Variants in TINAG observed in about 807,000 individuals in gnomAD.
The protein encoded by TINAG is tubulointerstitial nephritis antigen.
A neutral mutation model predicts 72.7 loss-of-function variants in TINAG; 83 were observed. The ratio of observed to expected loss-of-function variants is 1.14; its 90% CI spans 0.96 to 1.37. TINAG has a LOEUF of 1.37. Ranked by LOEUF, TINAG falls within the 40% of genes most tolerant of loss-of-function variation. The probability of loss-of-function intolerance (pLI) is 0.00; values close to 1 mark genes in which losing one functional copy is unlikely to be tolerated. For missense variants in TINAG, 685 were observed against 576.6 expected (o/e 1.19, Z -1.93); for synonymous variants, 234 against 189.9 (o/e 1.23, Z -1.91).
In TINAG at chr6:54,347,367, G is replaced by C; in HGVS notation, c.749G>C (p.Ser250Thr). 6.2e-7 allele frequency: 1 copy of C among 1,612,178 alleles called. No individual in the cohort carries two copies. The highest frequency in any genetic ancestry group is 2.2e-5 in the East Asian group (1 of 44,750). The change falls in exon 6 of 11, where the codon AGT (serine) becomes ACT (threonine). Residue 250 changes from serine to threonine, a missense_variant and splice_region_variant. Physicochemically the swap from Ser to Thr is moderately conservative, Grantham distance 58. Coordinates refer to ENST00000259782, the MANE Select transcript of TINAG (RefSeq NM_014464.4). ...CAASWAFSTA[S>T]VAADRIAIQS... ...TTAATTGATATTCTATTTGAAACAG[G>C]TGTGGCTGCTGACCGAATAGCAATT...
chr6:54,346,825 G>T (rs891237858), intron 5 of TINAG, among the ~76,000 whole-genome samples: 1 of 151,898 alleles, frequency 6.6e-6, no homozygotes, highest in African/African-American at 2.4e-5. Context: ...ATGGTCTCCT[G>T]GGTAGTTAAA....
chr6:54,320,431 A>G (rs953576640), intron 1 of TINAG, 148 bp from the exon 2 acceptor site: 2 of 558,968 alleles, frequency 3.6e-6, no homozygotes, highest in Admixed American at 3.3e-5. Flanking sequence ...ACCTTGACAC[A>G]AACCTGACAT....
intron 10 of TINAG, among the ~76,000 whole-genome samples, chr6:54,387,623 T>C (rs1265922741): frequency 1.3e-5 from 2 of 152,116 alleles, no homozygotes; most frequent in Non-Finnish European, 1.5e-5. Flanking sequence ...TAAGTGGAGA[T>C]TACATGAACA....
chr6:54,308,854 T>G lies in TINAG; in HGVS notation c.304T>G (p.Cys102Gly), dbSNP rs761108452. ...TTGCTGTCCTGACTACAAGTCCTTT[T>G]GCCGTGAAGAGAAAGAATGGCCTCC... ...SDCCPDYKSF[C>G]REEKEWPPHT... Residue 102 changes from cysteine (C) to glycine (G), a missense_variant, in exon 1 of 11, where the codon TGC becomes GGC. Coordinates refer to ENST00000259782, the MANE Select transcript of TINAG (RefSeq NM_014464.4). The G allele has an allele frequency of 6.2e-7, 1 of 1,613,644 alleles. No homozygotes were observed. Among genetic ancestry groups the G allele is most frequent in the East Asian group, 2.2e-5 (1 of 44,874 alleles).
intron 3 of TINAG, 78 bp downstream of exon 3, chr6:54,321,464 T>C (rs2150936110): frequency 1.0e-6 from 1 of 966,372 alleles, no homozygotes; most frequent in Admixed American, 2.1e-5. Context: ...TTGGTTTCTA[T>C]AAATGGTCAT....
chr6:54,327,170 G>C, intron 4 of TINAG: 1 of 1,546,768 alleles, frequency 6.5e-7, no homozygotes, highest in East Asian at 2.5e-5. Flanking sequence ...CAAGATGGCC[G>C]ATCAAGAACA....
At chr6:54,342,132 T>C (rs75041552) in intron 4 of TINAG, among the ~76,000 whole-genome samples, 2,070 of 152,224 alleles carry the variant, frequency 0.014, 53 homozygotes, top group African/African-American at 0.047. Flanking sequence ...AATCGTTATT[T>C]GGTTTAAGCC....
At chr6:54,368,448 A>G (rs1441982820) in intron 9 of TINAG, among the ~76,000 whole-genome samples, 1 of 150,212 alleles carries the variant, frequency 6.7e-6, no homozygotes, top group Non-Finnish European at 1.5e-5. Context: ...TGGGCATATG[A>G]TGTGTGGTGA....
Position 54,354,521 on chromosome 6 carries a change from CA to C in TINAG, c.1137del (p.Val380SerfsTer42), listed in dbSNP as rs1310336727. The C allele has an allele frequency of 1.2e-6, 2 of 1,603,170 alleles. No individual in the cohort carries two copies. The highest frequency in any genetic ancestry group is 1.7e-6 in the Non-Finnish European group (2 of 1,175,342). On this transcript the variant is annotated frameshift_variant, in exon 9 of 11. Coordinates refer to ENST00000259782, the MANE Select transcript of TINAG (RefSeq NM_014464.4). LOFTEE classifies it high-confidence loss of function. ...MQNGPVQAIM[Q>X]VREDFFHYKT... ...GTTGGATTTTATTTTAGCCATAATGCAAGTCCGTGAAGATTTCTTCCATTAT... is the reference window on the plus strand; with the variant it reads ...GTTGGATTTTATTTTAGCCATAATGCAGTCCGTGAAGATTTCTTCCATTAT...
At chr6:54,320,522 T>C in intron 1 of TINAG, 57 bp from the exon 2 acceptor site, 4 of 1,358,596 alleles carry the variant, frequency 2.9e-6, no homozygotes, top group East Asian at 2.3e-5. Flanking sequence ...CATTTTATGT[T>C]AATGCACTTT....
chr6:54,320,720 C>T (rs75395483), intron 2 of TINAG, 78 bp downstream of exon 2: 4 of 1,167,058 alleles, frequency 3.4e-6, no homozygotes, highest in Admixed American at 2.0e-5. Context: ...TATTTGTGAA[C>T]CAAAGTATAC....
intron 4 of TINAG, among the ~76,000 whole-genome samples, chr6:54,340,567 G>A (rs1320401853): frequency 1.3e-5 from 2 of 151,990 alleles, no homozygotes; most frequent in East Asian, 1.9e-4. Flanking sequence ...ATTTTCTGTG[G>A]TTTTATAATA....
At chr6:54,354,414 C>T in intron 8 of TINAG, 99 bp from the exon 9 acceptor site, 1 of 1,114,778 alleles carries the variant, frequency 9.0e-7, no homozygotes, top group East Asian at 2.6e-5. Context: ...GATTCATCTC[C>T]TTGCAATTTA....
At chr6:54,324,335 G>C (rs2150938950) in intron 3 of TINAG, among the ~76,000 whole-genome samples, 1 of 152,274 alleles carries the variant, frequency 6.6e-6, no homozygotes, top group East Asian at 1.9e-4. Context: ...CTTGTGGTTG[G>C]TGCAGGATGT....
intron 4 of TINAG, among the ~76,000 whole-genome samples, chr6:54,328,037 C>A (rs1784649370): frequency 6.6e-6 from 1 of 152,126 alleles, no homozygotes; most frequent in Admixed American, 6.5e-5. Context: ...GCTGTGGGAG[C>A]AGCTTCAGCA....
intron 4 of TINAG, among the ~76,000 whole-genome samples, chr6:54,327,603 G>A (rs1389218354): frequency 6.6e-6 from 1 of 151,968 alleles, no homozygotes. Flanking sequence ...CAGTGAGACA[G>A]AACCATTCAC....
At chr6:54,380,338 A>C (rs1261665428) in intron 9 of TINAG, among the ~76,000 whole-genome samples, 188 bp from the exon 10 acceptor site, 1 of 152,124 alleles carries the variant, frequency 6.6e-6, no homozygotes, top group Non-Finnish European at 1.5e-5. Context: ...GCACATAAAT[A>C]ATGTTATGGT....
In TINAG at chr6:54,316,541, G is replaced by T. The variant is rs548742278; in HGVS notation, c.356-4038G>T. Among the ~76,000 whole-genome samples the T allele has an allele frequency of 4.7e-4, 72 of 152,244 alleles. No homozygotes were observed. In the East Asian group the frequency reaches 0.013, roughly 27 times the overall value. Reference sequence around the variant, plus strand: ...AGTGAATGCCACTGAACAACCCTGGGGGGTGGATTCCTGATTAGAGCAAGC... The same window carrying T: ...AGTGAATGCCACTGAACAACCCTGGTGGGTGGATTCCTGATTAGAGCAAGC... On this transcript the variant is annotated intron_variant, in intron 1 of 10. Transcript: ENST00000259782.
chr6:54,369,879 G>A (rs1338302476), intron 9 of TINAG: 3 of 151,958 alleles, frequency 2.0e-5, no homozygotes, highest in African/African-American at 7.2e-5. Context: ...GGTCCAGATA[G>A]TTTAATCTGA....
Sources: gnomAD v4.1 joint callset for allele counts (sites outside exome capture counted in the v4.1 genomes callset) on GRCh38, gnomAD v4.1.1 for gene constraint, MANE v1.5 for transcripts, NCBI Gene and HGNC (gene_info 2026-07-23, HGNC 2026-07-21) for gene names.